STEEP1: variants seen among roughly 807,000 people sequenced by gnomAD.
The protein encoded by STEEP1 is STING1 ER exit protein 1, also known as STING ER exit protein.
STEEP1 carries 3 observed loss-of-function variants against 19.2 expected under a neutral mutation model. The observed-to-expected ratio is 0.16, with a 90% CI of 0.07 to 0.40. STEEP1 has a LOEUF of 0.40. STEEP1 is among the 10% of genes least tolerant of loss of function. The pLI, the probability that STEEP1 is intolerant of heterozygous loss-of-function variation, is 0.99. For synonymous variants in STEEP1, 46 were observed against 63.7 expected, an observed-to-expected ratio of 0.72 and a Z score of 1.32; for missense variants, 54 against 177.1, an observed-to-expected ratio of 0.30 and a Z score of 3.94.
At chrX:119,548,310 G>A (rs746490737) in intron 2 of STEEP1, among the ~76,000 whole-genome samples, 2 of 111,056 alleles carry the variant, frequency 1.8e-5, no homozygotes, top group African/African-American at 3.3e-5. Flanking sequence ...CGAGGCAGGC[G>A]GATCACGAAG....
At chrX:119,552,048 C>CA (rs1392123412) in intron 2 of STEEP1, among the ~76,000 whole-genome samples, 3 of 109,963 alleles carry the variant, frequency 2.7e-5, no homozygotes, top group Non-Finnish European at 1.9e-5. Context: ...TGCGCACCAC[C>CA]ACGCCCAGCT....
chrX:119,545,963 CAACA>C (rs1371181825), intron 2 of STEEP1, among the ~76,000 whole-genome samples: 2 of 109,008 alleles, frequency 1.8e-5, no homozygotes, highest in East Asian at 5.7e-4. Context: ...TCCCTTCCTG[CAACA>C]AACATTTATG....
At chrX:119,549,254 TGATA>T (rs1445575900) in intron 2 of STEEP1, among the ~76,000 whole-genome samples, 2 of 112,039 alleles carry the variant, frequency 1.8e-5, no homozygotes, top group African/African-American at 6.5e-5. Flanking sequence ...AACTGTGAGG[TGATA>T]GATACATTAA....
At chrX:119,542,144 G>A (rs1252103715) in intron 5 of STEEP1, among the ~76,000 whole-genome samples, 1 of 101,704 alleles carries the variant, frequency 9.8e-6, no homozygotes, top group Non-Finnish European at 2.0e-5. Context: ...TCGGTTCACT[G>A]AAGCCTCCAC....
At chrX:119,557,478 C>CAAAAAAAAAAAAAAA (rs55913451) in intron 2 of STEEP1, among the ~76,000 whole-genome samples, 1 of 68,962 alleles carries the variant, frequency 1.5e-5, no homozygotes, top group Non-Finnish European at 2.5e-5. Flanking sequence ...CACACCATCT[C>CAAAAAAAAAAAAAAA]AAAAAAAAAA....
At chrX:119,563,270 C>T (rs1014118593) in intron 1 of STEEP1, among the ~76,000 whole-genome samples, 6 of 108,939 alleles carry the variant, frequency 5.5e-5, no homozygotes, top group East Asian at 2.9e-4. Context: ...GGTGGTAGGC[C>T]GGCCGTGGTG....
intron 1 of STEEP1, among the ~76,000 whole-genome samples, chrX:119,562,533 C>CAA (rs143743500): frequency 1.4e-5 from 1 of 71,499 alleles, no homozygotes. Context: ...AACTCCGTCT[C>CAA]AAAAAAAAAA....
At chrX:119,548,456 C>G (rs2053221054) in intron 2 of STEEP1, among the ~76,000 whole-genome samples, 2 of 101,127 alleles carry the variant, frequency 2.0e-5, no homozygotes, top group African/African-American at 7.5e-5. Flanking sequence ...ATCACTTGAA[C>G]CCGGGAGGTA....
At chrX:119,563,893 A>G (rs1393114187) in intron 1 of STEEP1, among the ~76,000 whole-genome samples, 1 of 111,876 alleles carries the variant, frequency 8.9e-6, no homozygotes, top group Non-Finnish European at 1.9e-5. Flanking sequence ...ACTGACTGCA[A>G]TAGGGATGAC....
At chrX:119,560,039 T>A (rs1326021029) in intron 2 of STEEP1, among the ~76,000 whole-genome samples, 1 of 108,891 alleles carries the variant, frequency 9.2e-6, no homozygotes, top group Non-Finnish European at 1.9e-5. Context: ...ACAGAGTGAG[T>A]GAGACTCCAT....
At chrX:119,542,669 C>CACTCACGGCTCATG in intron 4 of STEEP1, 75 bp from the exon 5 acceptor site, 1 of 703,463 alleles carries the variant, frequency 1.4e-6, no homozygotes, top group Non-Finnish European at 2.3e-6. Flanking sequence ...TGTGCGCACA[C>CACTCACGGCTCATG]GCCTGTGTGA....
chrX:119,544,845 A>C (rs2053190301), intron 3 of STEEP1, among the ~76,000 whole-genome samples: 1 of 108,756 alleles, frequency 9.2e-6, no homozygotes, highest in South Asian at 4.0e-4. Context: ...GGAGGTTGAC[A>C]CAGGAGAACT....
At chrX:119,547,384 C>A (rs1276255958) in intron 2 of STEEP1, among the ~76,000 whole-genome samples, 3 of 112,079 alleles carry the variant, frequency 2.7e-5, no homozygotes, top group African/African-American at 9.7e-5. Flanking sequence ...CTCACACTAC[C>A]AATATACTGA....
chrX:119,539,697 CTCTAG>C lies in STEEP1; in HGVS notation c.*25_*29del. The C allele has an allele frequency of 8.7e-7, 1 of 1,143,373 alleles. No individual in the cohort carries two copies. The highest frequency in any genetic ancestry group is 1.2e-6 in the Non-Finnish European group (1 of 837,302). 94.2% of individuals were successfully genotyped at this position (1,143,373 alleles called of 1,213,427 possible). ...TTTGCCTCCTGATCTAAATGCTTGCCTCTAGTCTAGGGCTTAGAAAAAGGCCTGGT... is the reference window on the plus strand; with the variant it reads ...TTTGCCTCCTGATCTAAATGCTTGCCTCTAGGGCTTAGAAAAAGGCCTGGT... On this transcript the variant is annotated 3_prime_UTR_variant, in exon 7 of 7. Transcript: ENST00000644802.
chrX:119,556,326 G>C (rs1287602809), intron 2 of STEEP1, among the ~76,000 whole-genome samples: 4 of 110,927 alleles, frequency 3.6e-5, no homozygotes. Context: ...GAGTACGCCT[G>C]TAATCCCAGC....
At chrX:119,556,343 G>A (rs1020973232) in intron 2 of STEEP1, among the ~76,000 whole-genome samples, 2 of 110,653 alleles carry the variant, frequency 1.8e-5, no homozygotes, top group Admixed American at 9.7e-5. Flanking sequence ...CAGCACTTTG[G>A]GAGGCCGAAG....
intron 1 of STEEP1, chrX:119,565,017 G>A (rs1350298671): frequency 2.6e-6 from 1 of 387,393 alleles, no homozygotes; most frequent in Non-Finnish European, 4.2e-6. Context: ...TTTTGAGGAA[G>A]GTCTGGATAC....
At chrX:119,557,018 T>C (rs938184576) in intron 2 of STEEP1, among the ~76,000 whole-genome samples, 1 of 108,469 alleles carries the variant, frequency 9.2e-6, no homozygotes, top group African/African-American at 3.3e-5. Context: ...TAGCCAGGCA[T>C]AGTGGTGCAC....
At chrX:119,546,776 G>A (rs184769457) in intron 2 of STEEP1, among the ~76,000 whole-genome samples, 1 of 111,007 alleles carries the variant, frequency 9.0e-6, no homozygotes, top group East Asian at 2.8e-4. Flanking sequence ...AAATTCTATG[G>A]ATTTTTATCT....
Sources: gnomAD v4.1 joint callset for allele counts (sites outside exome capture counted in the v4.1 genomes callset) on GRCh38, gnomAD v4.1.1 for gene constraint, MANE v1.5 for transcripts, NCBI Gene and HGNC (gene_info 2026-07-23, HGNC 2026-07-21) for gene names.